Variants in MCEE observed in about 807,000 individuals in gnomAD.
The protein encoded by MCEE is methylmalonyl-CoA epimerase, mitochondrial.
A neutral mutation model predicts 12.9 loss-of-function variants in MCEE; 6 were observed. That is an observed-to-expected ratio of 0.47 (90% confidence interval 0.26 to 0.92). The LOEUF (loss-of-function observed/expected upper bound fraction) is 0.92, where lower values mean the gene tolerates loss of function less well. Ranked by LOEUF, MCEE falls within the 40% of genes least tolerant of loss-of-function variation. MCEE has a pLI of 0.16. For synonymous variants in MCEE, 78 were observed against 77.9 expected (o/e 1.00, Z -0.01); for missense variants, 214 against 212.1 (o/e 1.01, Z -0.05).
chr2:71,129,880 C>T (rs1287292120), intron 1 of MCEE: 1 of 540,882 alleles, frequency 1.8e-6, no homozygotes, highest in Non-Finnish European at 3.3e-6. Context: ...TGTCCCTGCC[C>T]TGCCTGACCT....
intron 2 of MCEE, among the ~76,000 whole-genome samples, chr2:71,113,556 T>G (rs1470094974): frequency 6.6e-6 from 1 of 151,992 alleles, no homozygotes; most frequent in Non-Finnish European, 1.5e-5. Context: ...AAGGAAGTGC[T>G]TAAAAAACAA....
At chr2:71,129,969 T>C (rs1673333954) in intron 1 of MCEE, 1 of 639,022 alleles carries the variant, frequency 1.6e-6, no homozygotes, top group Non-Finnish European at 2.9e-6. Context: ...CGGATGGAAA[T>C]GGGACTCATG....
intron 1 of MCEE, among the ~76,000 whole-genome samples, chr2:71,127,208 G>A (rs1337885317): frequency 6.6e-6 from 1 of 152,252 alleles, no homozygotes; most frequent in Non-Finnish European, 1.5e-5. Flanking sequence ...AAAATCGGAT[G>A]TGTATGTTAA....
Position 71,119,663 on chromosome 2 carries a change from G to C in MCEE, c.378+4543C>G, listed in dbSNP as rs192346530. On this transcript the variant is annotated intron_variant, in intron 2 of 2. Coordinates refer to ENST00000244217, the MANE Select transcript of MCEE (RefSeq NM_032601.4). ...AGCTCTGGGTAGACAGGAACTTTCTGCTTGTTCAGCCACATATCCCCAGCA... is the reference window on the plus strand; with the variant it reads ...AGCTCTGGGTAGACAGGAACTTTCTCCTTGTTCAGCCACATATCCCCAGCA... Among the ~76,000 whole-genome samples, 24 of 150,334 alleles carry C rather than the reference G, an allele frequency of 1.6e-4. 2 individuals carry two copies. Among genetic ancestry groups the C allele is most frequent in the African/African-American group, 6.0e-4 (24 of 39,690 alleles).
chr2:71,122,449 C>G (rs1455218438), intron 2 of MCEE, among the ~76,000 whole-genome samples: 1 of 152,200 alleles, frequency 6.6e-6, no homozygotes, highest in East Asian at 1.9e-4. Flanking sequence ...TTGATAAAGA[C>G]ATACCCGAGA....
intron 2 of MCEE, among the ~76,000 whole-genome samples, chr2:71,122,729 C>T (rs1240013022): frequency 1.3e-5 from 2 of 152,190 alleles, no homozygotes; most frequent in Non-Finnish European, 2.9e-5. Flanking sequence ...TGTGGGAATT[C>T]AAGATGAGAT....
chr2:71,123,397 A>T (rs1673140385), intron 2 of MCEE, among the ~76,000 whole-genome samples: 1 of 151,938 alleles, frequency 6.6e-6, no homozygotes, highest in Admixed American at 6.6e-5. Flanking sequence ...AGGCTGAGGC[A>T]GGAGAATCAC....
chr2:71,113,181 G>A (rs139809174), intron 2 of MCEE, among the ~76,000 whole-genome samples: 1 of 152,304 alleles, frequency 6.6e-6, no homozygotes, highest in African/African-American at 2.4e-5. Context: ...GGCTAGTGTG[G>A]TCTATGTGGT....
intron 2 of MCEE, among the ~76,000 whole-genome samples, chr2:71,119,483 GGTA>G (rs1224341226): frequency 1.3e-5 from 2 of 150,534 alleles, no homozygotes; most frequent in Non-Finnish European, 2.9e-5. Context: ...AAACTAGTAA[GGTA>G]TGCTAATCAT....
rs770335202 is a variant in MCEE at position 71,109,939 on chromosome 2, G to A, written c.*31C>T. Reference sequence around the variant, plus strand: ...GATAGTATTTGATAGGCTTTTTCAGGTCAATTAATTTAGTTGCTTGCAAAT... The same window carrying A: ...GATAGTATTTGATAGGCTTTTTCAGATCAATTAATTTAGTTGCTTGCAAAT... On this transcript the variant is annotated 3_prime_UTR_variant, in exon 3 of 3. Coordinates refer to ENST00000244217, the MANE Select transcript of MCEE (RefSeq NM_032601.4). The A allele has an allele frequency of 1.2e-6, 2 of 1,609,692 alleles. No homozygotes were observed. Among genetic ancestry groups the A allele is most frequent in the Admixed American group, 1.7e-5 (1 of 59,948 alleles).
At chr2:71,128,780 G>C (rs1304336556) in intron 1 of MCEE, among the ~76,000 whole-genome samples, 3 of 152,114 alleles carry the variant, frequency 2.0e-5, no homozygotes, top group Admixed American at 6.5e-5. Flanking sequence ...CCTGAGGCCA[G>C]GAGTTCCAAA....
intron 2 of MCEE, 45 bp from the exon 3 acceptor site, chr2:71,110,167 T>C: frequency 6.4e-7 from 1 of 1,555,902 alleles, no homozygotes; most frequent in Non-Finnish European, 8.8e-7. Context: ...ATCATAAAAA[T>C]ACCAACTTAT....
intron 2 of MCEE, chr2:71,110,845 C>T (rs1192342643): frequency 6.6e-6 from 1 of 152,138 alleles, no homozygotes; most frequent in African/African-American, 2.4e-5. Context: ...AAGTCACCCA[C>T]TTAGACTGGG....
chr2:71,126,732 C>T (rs537048932), intron 1 of MCEE, among the ~76,000 whole-genome samples: 60 of 152,194 alleles, frequency 3.9e-4, no homozygotes, highest in African/African-American at 1.4e-3. Flanking sequence ...GTGAATTGAA[C>T]TCTTAATTAT....
chr2:71,125,958 T>TCCA (rs1283325093), intron 1 of MCEE, among the ~76,000 whole-genome samples: 5 of 152,086 alleles, frequency 3.3e-5, no homozygotes, highest in African/African-American at 1.2e-4. Context: ...AAGAATACCT[T>TCCA]CCACCTCAGC....
intron 2 of MCEE, among the ~76,000 whole-genome samples, chr2:71,120,053 T>C (rs1266010670): frequency 1.3e-5 from 2 of 149,736 alleles, no homozygotes; most frequent in Non-Finnish European, 2.9e-5. Flanking sequence ...ACCCTCTCTC[T>C]GAAGGAAAAA....
intron 1 of MCEE, among the ~76,000 whole-genome samples, chr2:71,125,211 A>ATATATATATATTTT: frequency 4.1e-5 from 2 of 48,592 alleles, no homozygotes; most frequent in Non-Finnish European, 8.8e-5. Context: ...ATATATATAT[A>ATATATATATATTTT]TTTTTTTTTT....
At chr2:71,116,362 C>G (rs1037482125) in intron 2 of MCEE, among the ~76,000 whole-genome samples, 1 of 149,822 alleles carries the variant, frequency 6.7e-6, no homozygotes, top group Non-Finnish European at 1.5e-5. Flanking sequence ...CGTGAGCCAC[C>G]ATGCCCGGCC....
At chr2:71,119,276 G>A (rs559551403) in intron 2 of MCEE, among the ~76,000 whole-genome samples, 1 of 150,370 alleles carries the variant, frequency 6.7e-6, no homozygotes, top group African/African-American at 2.5e-5. Flanking sequence ...AGGCTACAGG[G>A]TACAGTCTAT....
Sources: allele counts gnomAD v4.1 joint callset (sites outside exome capture counted in the v4.1 genomes callset), GRCh38; gene constraint gnomAD v4.1.1; transcripts MANE v1.5; gene names NCBI Gene and HGNC (gene_info 2026-07-23, HGNC 2026-07-21).